Variants in ENTREP2 observed in about 807,000 individuals in gnomAD.
ENTREP2 encodes the protein endosomal transmembrane epsin interactor 2, also known as protein ENTREP2.
At chr15:29,645,078 T>C in the ENTREP2 span, among the ~76,000 whole-genome samples, 5 of 152,088 alleles carry the variant, frequency 3.3e-5, no homozygotes, top group African/African-American at 7.2e-5. Flanking sequence ...ATTGAGTTCA[T>C]TGGGAGACCA....
At chr15:29,387,763 A>G in the ENTREP2 span, among the ~76,000 whole-genome samples, 3 of 152,366 alleles carry the variant, frequency 2.0e-5, no homozygotes, top group Admixed American at 6.5e-5. Context: ...TACTGGTACC[A>G]AAACAGAGAT....
the ENTREP2 span, among the ~76,000 whole-genome samples, chr15:29,228,602 T>C: frequency 6.6e-6 from 1 of 152,226 alleles, no homozygotes; most frequent in African/African-American, 2.4e-5. Flanking sequence ...GTAAACTTTA[T>C]ACTGTGTATA....
At chr15:29,510,053 C>CA in the ENTREP2 span, among the ~76,000 whole-genome samples, 23 of 150,790 alleles carry the variant, frequency 1.5e-4, no homozygotes, top group African/African-American at 5.6e-4. Context: ...AAATTTACAA[C>CA]AAAAAACAAA....
chr15:29,590,633 G>A, the ENTREP2 span, among the ~76,000 whole-genome samples: 3 of 131,626 alleles, frequency 2.3e-5, no homozygotes, highest in African/African-American at 8.4e-5. Flanking sequence ...GCAGTGAGCA[G>A]AGATGGCGCC....
the ENTREP2 span, among the ~76,000 whole-genome samples, chr15:29,417,195 C>A: frequency 6.6e-6 from 1 of 152,106 alleles, no homozygotes; most frequent in Non-Finnish European, 1.5e-5. Context: ...CACATGCACA[C>A]GTATGTTTAC....
the ENTREP2 span, among the ~76,000 whole-genome samples, chr15:29,210,974 A>T: frequency 6.6e-6 from 1 of 152,194 alleles, no homozygotes; most frequent in African/African-American, 2.4e-5. Flanking sequence ...ATGCATTAAG[A>T]TACGTCCCAG....
At chr15:29,556,749 G>A in the ENTREP2 span, among the ~76,000 whole-genome samples, 1 of 122,322 alleles carries the variant, frequency 8.2e-6, no homozygotes, top group African/African-American at 3.0e-5. Flanking sequence ...CCTGGCTTCA[G>A]CCCCATGCAG....
chr15:29,639,982 T>C, the ENTREP2 span, among the ~76,000 whole-genome samples: 1 of 152,076 alleles, frequency 6.6e-6, no homozygotes, highest in Non-Finnish European at 1.5e-5. Flanking sequence ...TTGGCCAGGC[T>C]GGTCATGAAC....
At chr15:29,559,584 G>A in the ENTREP2 span, among the ~76,000 whole-genome samples, 26 of 152,086 alleles carry the variant, frequency 1.7e-4, no homozygotes, top group African/African-American at 5.8e-4. Context: ...GGCTCCAGGA[G>A]AGAATCTGCT....
the ENTREP2 span, chr15:29,570,422 T>G: frequency 4.5e-6 from 4 of 897,896 alleles, no homozygotes; most frequent in Non-Finnish European, 5.7e-6. Flanking sequence ...CCGCCCGCGG[T>G]GGCGTCCCGG....
chr15:29,491,180 G>A, the ENTREP2 span, among the ~76,000 whole-genome samples: 10 of 152,190 alleles, frequency 6.6e-5, no homozygotes, highest in Admixed American at 1.3e-4. Flanking sequence ...GTGTGGGGCC[G>A]CTGCCTGCAC....
the ENTREP2 span, among the ~76,000 whole-genome samples, chr15:29,353,135 C>T: frequency 1.3e-5 from 2 of 149,426 alleles, no homozygotes; most frequent in African/African-American, 5.1e-5. Context: ...TAACACACAG[C>T]GGCATTTTTT....
the ENTREP2 span, chr15:29,609,647 C>T: frequency 1.3e-5 from 2 of 149,612 alleles, no homozygotes; most frequent in African/African-American, 4.9e-5. Context: ...TTATTGTTAC[C>T]CAATTATTAC....
the ENTREP2 span, among the ~76,000 whole-genome samples, chr15:29,416,198 A>C: frequency 6.6e-6 from 1 of 152,206 alleles, no homozygotes; most frequent in East Asian, 1.9e-4. Context: ...AGTCAATCCT[A>C]AGCCAAAAGA....
At chr15:29,135,545 T>C in the ENTREP2 span, among the ~76,000 whole-genome samples, 2 of 152,120 alleles carry the variant, frequency 1.3e-5, no homozygotes, top group African/African-American at 2.4e-5. The surrounding 1 kb of genome is among the most constrained non-coding windows in gnomAD (Gnocchi z 7.4). Context: ...GAGGAAACAA[T>C]ACCCCAAAAG....
At chr15:29,474,914 T>G in the ENTREP2 span, among the ~76,000 whole-genome samples, 5 of 147,442 alleles carry the variant, frequency 3.4e-5, no homozygotes, top group African/African-American at 1.3e-4. Flanking sequence ...CATTACATAT[T>G]GATTTTTCCT....
At chr15:29,305,897 T>C in the ENTREP2 span, among the ~76,000 whole-genome samples, 1 of 152,200 alleles carries the variant, frequency 6.6e-6, no homozygotes, top group Non-Finnish European at 1.5e-5. Flanking sequence ...GACTCGGGGC[T>C]TCGTGCTGAA....
the ENTREP2 span, among the ~76,000 whole-genome samples, chr15:29,259,631 C>T: frequency 6.6e-6 from 1 of 152,058 alleles, no homozygotes; most frequent in African/African-American, 2.4e-5. Context: ...CTTTACTAAC[C>T]ACCCCCTACA....
the ENTREP2 span, among the ~76,000 whole-genome samples, chr15:29,383,711 A>G: frequency 6.6e-6 from 1 of 152,220 alleles, no homozygotes; most frequent in African/African-American, 2.4e-5. Context: ...ACCAGGTCTC[A>G]GACACAGCAG....
Sources: gnomAD v4.1 joint callset for allele counts (sites outside exome capture counted in the v4.1 genomes callset) on GRCh38, gnomAD v4.1.1 for gene constraint, Gnocchi (gnomAD v3.1) non-coding constraint, MANE v1.5 for transcripts, NCBI Gene and HGNC (gene_info 2026-07-23, HGNC 2026-07-21) for gene names.